The following LY86 variants were observed in gnomAD, a reference collection of about 807,000 sequenced individuals.
The protein encoded by LY86 is lymphocyte antigen 86.
A neutral mutation model predicts 17.3 loss-of-function variants in LY86; 20 were observed. The observed-to-expected ratio is 1.15, with a 90% confidence interval of 0.81 to 1.68. The LOEUF is 1.68. LY86 is among the 40% of genes most tolerant of loss of function. LY86 has a pLI of 0.00. For synonymous variants in LY86, 74 were observed against 70.6 expected (o/e 1.05, Z -0.24); for missense variants, 200 against 191.9 (o/e 1.04, Z -0.25).
intron 1 of LY86, among the ~76,000 whole-genome samples, chr6:6,608,633 T>G (rs148941881): frequency 3.9e-4 from 59 of 152,342 alleles, no homozygotes; most frequent in African/African-American, 1.4e-3. Flanking sequence ...CAGTAATGTT[T>G]CCATGCACAC....
At chr6:6,640,068 T>C (rs1167020908) in intron 3 of LY86, among the ~76,000 whole-genome samples, 1 of 152,150 alleles carries the variant, frequency 6.6e-6, no homozygotes, top group Admixed American at 6.5e-5. Context: ...GCTTCCCTTA[T>C]TGGGCCATTA....
intron 1 of LY86, among the ~76,000 whole-genome samples, chr6:6,595,963 G>C (rs1343998414): frequency 2.6e-5 from 4 of 152,164 alleles, no homozygotes. Flanking sequence ...CATGGCATCT[G>C]GTCACCAGGC....
chr6:6,631,012 TTA>T (rs1358578595), intron 3 of LY86, among the ~76,000 whole-genome samples: 2 of 152,142 alleles, frequency 1.3e-5, no homozygotes, highest in African/African-American at 4.8e-5. Flanking sequence ...GATATTAATA[TTA>T]TATTAAAATT....
chr6:6,638,149 A>C (rs558936398), intron 3 of LY86, among the ~76,000 whole-genome samples: 1 of 152,354 alleles, frequency 6.6e-6, no homozygotes, highest in Non-Finnish European at 1.5e-5. Context: ...GCCATTAAGT[A>C]CTAGGAGCAT....
At chr6:6,646,886 A>T (rs1475339752) in intron 3 of LY86, among the ~76,000 whole-genome samples, 1 of 152,220 alleles carries the variant, frequency 6.6e-6, no homozygotes, top group Non-Finnish European at 1.5e-5. Context: ...ATCTGGGCTA[A>T]CTGGAGTATC....
chr6:6,604,343 T>TA (rs912766555), intron 1 of LY86, among the ~76,000 whole-genome samples: 18 of 151,690 alleles, frequency 1.2e-4, no homozygotes, highest in South Asian at 4.2e-4. Flanking sequence ...CTTCTTTAAT[T>TA]AAAAAAACTC....
intron 3 of LY86, among the ~76,000 whole-genome samples, chr6:6,626,966 C>A (rs917118497): frequency 6.6e-6 from 1 of 152,222 alleles, no homozygotes; most frequent in Admixed American, 6.5e-5. Context: ...TGCACCAACC[C>A]TCTACCGCCT....
intron 1 of LY86, among the ~76,000 whole-genome samples, chr6:6,606,240 C>T (rs1217288823): frequency 6.6e-6 from 1 of 152,116 alleles, no homozygotes; most frequent in Non-Finnish European, 1.5e-5. Flanking sequence ...AGAGTGTGGA[C>T]GCAAAGGTTC....
At chr6:6,600,214 C>A (rs190700526) in intron 1 of LY86, among the ~76,000 whole-genome samples, 93 of 151,000 alleles carry the variant, frequency 6.2e-4, no homozygotes, top group African/African-American at 2.2e-3. Flanking sequence ...TAAGGGCTGC[C>A]TTCCTCTGTG....
At chr6:6,612,078 A>C (rs1398444420) in intron 1 of LY86, among the ~76,000 whole-genome samples, 21 of 152,250 alleles carry the variant, frequency 1.4e-4, no homozygotes, top group Admixed American at 1.4e-3. Context: ...ATGTATTAGC[A>C]AGATTTGAGA....
At chr6:6,593,998 C>T (rs1443754364) in intron 1 of LY86, among the ~76,000 whole-genome samples, 1 of 152,230 alleles carries the variant, frequency 6.6e-6, no homozygotes, top group African/African-American at 2.4e-5. Context: ...GTGGGCAATC[C>T]TCCATAAATA....
chr6:6,601,729 A>G (rs373341249), intron 1 of LY86, among the ~76,000 whole-genome samples: 183 of 150,714 alleles, frequency 1.2e-3, no homozygotes, highest in African/African-American at 4.2e-3. Flanking sequence ...CGAAAAAAAA[A>G]GAAAAAAAAA....
chr6:6,600,247 C>T (rs985005534), intron 1 of LY86, among the ~76,000 whole-genome samples: 3 of 152,024 alleles, frequency 2.0e-5, no homozygotes, highest in Admixed American at 6.6e-5. Flanking sequence ...TTAAGGAGTC[C>T]AACAGCCTTT....
At chr6:6,591,550 C>T (rs1473335949) in intron 1 of LY86, 1 of 153,732 alleles carries the variant, frequency 6.5e-6, no homozygotes, top group Admixed American at 6.5e-5. Context: ...GATAACACCT[C>T]ATGTTGGTGG....
chr6:6,608,369 C>T (rs1761249390), intron 1 of LY86, among the ~76,000 whole-genome samples: 1 of 152,226 alleles, frequency 6.6e-6, no homozygotes, highest in Admixed American at 6.5e-5. Flanking sequence ...CATCGCGTTA[C>T]TTAATTCATT....
chr6:6,617,397 G>A (rs1408127329), intron 1 of LY86, among the ~76,000 whole-genome samples: 4 of 152,172 alleles, frequency 2.6e-5, no homozygotes, highest in Non-Finnish European at 4.4e-5. Flanking sequence ...AAGTGAATCC[G>A]TGGGAAACAT....
At chr6:6,590,592 G>C (rs1561772322) in intron 1 of LY86, among the ~76,000 whole-genome samples, 1 of 152,154 alleles carries the variant, frequency 6.6e-6, no homozygotes, top group Non-Finnish European at 1.5e-5. Context: ...GGGCTCCCAA[G>C]TGGGGAGCAA....
chr6:6,609,730 T>G (rs536177001), intron 1 of LY86, among the ~76,000 whole-genome samples: 2 of 152,180 alleles, frequency 1.3e-5, no homozygotes, highest in African/African-American at 4.8e-5. Context: ...CCACGGACAA[T>G]TCATTAGCAC....
At chr6:6,627,420 G>A (rs974679204) in intron 3 of LY86, among the ~76,000 whole-genome samples, 2 of 152,264 alleles carry the variant, frequency 1.3e-5, no homozygotes, top group Non-Finnish European at 2.9e-5. Context: ...GATGGAAGTC[G>A]GGGGAACTTT....
Sources: gnomAD v4.1 joint callset for allele counts (sites outside exome capture counted in the v4.1 genomes callset) on GRCh38, gnomAD v4.1.1 for gene constraint, MANE v1.5 for transcripts, NCBI Gene and HGNC (gene_info 2026-07-23, HGNC 2026-07-21) for gene names.